Variants in FARP2 observed in about 807,000 individuals in gnomAD.
FARP2 encodes the protein FERM, ARH/RhoGEF and pleckstrin domain protein 2.
A neutral mutation model predicts 130.5 loss-of-function variants in FARP2; 111 were observed. The observed-to-expected ratio is 0.85, with a 90% CI of 0.73 to 1.00. FARP2 has a LOEUF of 1.00. Ranked by LOEUF, FARP2 falls within the 50% of genes least tolerant of loss-of-function variation. The probability of loss-of-function intolerance (pLI) is 0.00; values close to 1 mark genes in which losing one functional copy is unlikely to be tolerated. For synonymous variants in FARP2, 504 were observed against 516.9 expected, an observed-to-expected ratio of 0.98 and a Z score of 0.34; for missense variants, 1,385 against 1,346.3, an observed-to-expected ratio of 1.03 and a Z score of -0.45.
intron 13 of FARP2, among the ~76,000 whole-genome samples, chr2:241,452,044 G>A (rs900278263): frequency 2.6e-5 from 4 of 152,142 alleles, no homozygotes; most frequent in African/African-American, 9.7e-5. Context: ...CGTAAGCCCG[G>A]CCAACATCTG....
In FARP2 at chr2:241,475,558, T is replaced by G. The variant is rs1490749601; in HGVS notation, c.2132-299T>G. On this transcript the variant is annotated intron_variant, in intron 18 of 26. Transcript: ENST00000264042. The surrounding 1 kb of genome is among the most constrained non-coding windows in gnomAD (Gnocchi z 4.4). Reference sequence around the variant, plus strand: ...CACAAACCCTATTGTGAACTGCACATGTGGGGGATCTAGTTTGTATGCTCC... The same window carrying G: ...CACAAACCCTATTGTGAACTGCACAGGTGGGGGATCTAGTTTGTATGCTCC... Among the ~76,000 whole-genome samples the G allele has an allele frequency of 1.3e-5, 2 of 152,190 alleles. No individual in the cohort carries two copies. The highest frequency in any genetic ancestry group is 2.9e-5 in the Non-Finnish European group (2 of 68,036).
At chr2:241,474,259 C>T (rs1267370697) in intron 18 of FARP2, among the ~76,000 whole-genome samples, 6 of 129,076 alleles carry the variant, frequency 4.6e-5, no homozygotes, top group African/African-American at 8.9e-5. Context: ...TGCAGTGAGC[C>T]GAGATCGTGC....
At chr2:241,419,932 T>G (rs1462225555) in intron 8 of FARP2, among the ~76,000 whole-genome samples, 1 of 152,148 alleles carries the variant, frequency 6.6e-6, no homozygotes, top group Non-Finnish European at 1.5e-5. Flanking sequence ...GGCAGATTGC[T>G]TGAGTCCAGG....
intron 18 of FARP2, among the ~76,000 whole-genome samples, chr2:241,473,048 G>A (rs2064360831): frequency 6.6e-6 from 1 of 151,732 alleles, no homozygotes; most frequent in Non-Finnish European, 1.5e-5. Context: ...GCAGTTCTGA[G>A]GGGACCCTGT....
intron 8 of FARP2, among the ~76,000 whole-genome samples, chr2:241,426,505 C>G (rs564850302): frequency 8.0e-4 from 122 of 152,124 alleles, no homozygotes; most frequent in Non-Finnish European, 1.3e-3. Context: ...GTTGAGGAGG[C>G]AAGATTTCAA....
intron 21 of FARP2, 67 bp from the exon 22 acceptor site, chr2:241,489,895 C>T: frequency 3.7e-6 from 4 of 1,087,482 alleles, no homozygotes; most frequent in Non-Finnish European, 5.7e-6. Context: ...CACCTTGTGT[C>T]CTGCTCAGGC....
intron 13 of FARP2, among the ~76,000 whole-genome samples, chr2:241,455,251 C>T (rs556155876): frequency 9.8e-5 from 15 of 152,296 alleles, no homozygotes; most frequent in South Asian, 8.3e-4. Flanking sequence ...GGCATTTATG[C>T]GACCAGGGGT....
intron 18 of FARP2, among the ~76,000 whole-genome samples, chr2:241,469,779 C>T (rs764670799): frequency 3.3e-5 from 5 of 152,226 alleles, no homozygotes; most frequent in African/African-American, 4.8e-5. Context: ...GGCCCAGGTT[C>T]TGGCCACATC....
chr2:241,405,089 T>G (rs2062298330), intron 4 of FARP2, among the ~76,000 whole-genome samples: 1 of 152,240 alleles, frequency 6.6e-6, no homozygotes, highest in East Asian at 1.9e-4. Context: ...TCTTAATTTT[T>G]GGCCAATATG....
chr2:241,387,684 TC>T (rs1409163937), intron 2 of FARP2, among the ~76,000 whole-genome samples: 1 of 150,332 alleles, frequency 6.7e-6, no homozygotes, highest in African/African-American at 2.5e-5. Flanking sequence ...TCCCAGGTAC[TC>T]AGGAGGCTGA....
At chr2:241,370,888 A>C (rs1282514298) in intron 1 of FARP2, among the ~76,000 whole-genome samples, 1 of 152,222 alleles carries the variant, frequency 6.6e-6, no homozygotes, top group African/African-American at 2.4e-5. Context: ...AGCATGGAGA[A>C]AGACAGCTGA....
intron 2 of FARP2, among the ~76,000 whole-genome samples, chr2:241,383,616 C>T (rs1487056763): frequency 6.6e-6 from 1 of 152,160 alleles, no homozygotes; most frequent in Non-Finnish European, 1.5e-5. Context: ...AGAGGGGAGC[C>T]TTTGGGTGAC....
chr2:241,485,561 C>T (rs1283533288), intron 21 of FARP2, among the ~76,000 whole-genome samples: 1 of 150,688 alleles, frequency 6.6e-6, no homozygotes, highest in East Asian at 2.0e-4. Flanking sequence ...GGTCCTCCTT[C>T]CCTAGGATCT....
chr2:241,464,067 G>T, intron 17 of FARP2, 87 bp downstream of exon 17: 1 of 1,115,516 alleles, frequency 9.0e-7, no homozygotes, highest in Admixed American at 2.0e-5. Flanking sequence ...TCAGAACAGC[G>T]TCCCCTCAGA....
rs932169822 is a variant in FARP2 at position 241,380,795 on chromosome 2, C to T, written c.183+7505C>T. Among the ~76,000 whole-genome samples the T allele has an allele frequency of 1.8e-4, 27 of 152,150 alleles. 1 individual carries two copies. The highest frequency in any genetic ancestry group is 5.2e-4 in the Admixed American group (8 of 15,276). ...CTACCCTTCAGTTCTTCTCATCCCT[C>T]CCCTGAAACTTCAAATGTCTACATT... On this transcript the variant is annotated intron_variant, in intron 2 of 26. Coordinates refer to ENST00000264042, the MANE Select transcript of FARP2 (RefSeq NM_014808.4).
At position 241,373,315 on chromosome 2, in the gene FARP2, A is replaced by C. The variant is rs750654397; in HGVS notation, c.183+25A>C. 34 of 1,341,738 alleles carry C rather than the reference A, an allele frequency of 2.5e-5. 1 individual carries two copies. In the East Asian group the frequency reaches 8.5e-4, roughly 34 times the overall value. The allele number at this position is 1,341,738 out of a possible 1,614,324, so 83.1% of individuals were successfully genotyped here. A position where few individuals can be genotyped will look rare whatever the true frequency, so the allele number is the denominator to read the frequency against. On this transcript the variant is annotated intron_variant, in intron 2 of 26. Transcript: ENST00000264042. ...GGTAAGAAGCATGATTTTTGGAGGC[A>C]TATTTCCTTATATCTTCTAACAGTC...
At chr2:241,409,683 A>G (rs932842068) in intron 5 of FARP2, among the ~76,000 whole-genome samples, 3 of 152,240 alleles carry the variant, frequency 2.0e-5, no homozygotes, top group Admixed American at 6.5e-5. Flanking sequence ...CAGAACTTTA[A>G]AGAAATTACA....
intron 8 of FARP2, among the ~76,000 whole-genome samples, chr2:241,426,889 A>T (rs764825189): frequency 2.0e-5 from 3 of 152,214 alleles, no homozygotes; most frequent in Non-Finnish European, 4.4e-5. Context: ...ATGGTGGTCA[A>T]GACCCTGGGA....
At chr2:241,493,514 T>C (rs1054254841) in intron 26 of FARP2, 70 bp downstream of exon 26, 14 of 1,496,850 alleles carry the variant, frequency 9.4e-6, no homozygotes, top group Admixed American at 8.5e-5. Flanking sequence ...TTTCTACTCA[T>C]GGTGGTGGAG....
Sources: gnomAD v4.1 joint callset for allele counts (sites outside exome capture counted in the v4.1 genomes callset) on GRCh38, gnomAD v4.1.1 for gene constraint, Gnocchi (gnomAD v3.1) non-coding constraint, MANE v1.5 for transcripts, NCBI Gene and HGNC (gene_info 2026-07-23, HGNC 2026-07-21) for gene names.